SNX9: variants seen among roughly 807,000 people sequenced by gnomAD.
SNX9 encodes the protein sorting nexin 9, also known as sorting nexin-9.
A neutral mutation model predicts 89.4 loss-of-function variants in SNX9; 44 were observed. The observed-to-expected ratio is 0.49, with a 90% confidence interval of 0.39 to 0.63. The LOEUF is 0.63. Among genes scored for constraint, SNX9 ranks in the 30% least tolerant of loss-of-function variants. The probability of loss-of-function intolerance (pLI) is 0.00; values close to 1 mark genes in which losing one functional copy is unlikely to be tolerated. For missense variants in SNX9, 578 were observed against 736.1 expected (o/e 0.79, Z 2.49); for synonymous variants, 236 against 247.8 (o/e 0.95, Z 0.45).
At chr6:157,894,241 C>T (rs1442480898) in intron 4 of SNX9, among the ~76,000 whole-genome samples, 3 of 146,138 alleles carry the variant, frequency 2.1e-5, no homozygotes, top group Admixed American at 6.8e-5. Flanking sequence ...TCCCAAGTAG[C>T]TGGGATTACA....
intron 1 of SNX9, among the ~76,000 whole-genome samples, chr6:157,824,526 G>C (rs186485760): frequency 3.9e-5 from 6 of 152,206 alleles, no homozygotes; most frequent in Admixed American, 3.9e-4. Context: ...TTTATTTTTC[G>C]ATAGGTGTTT....
chr6:157,834,957 G>T (rs7341278), intron 1 of SNX9, among the ~76,000 whole-genome samples: 4,661 of 152,218 alleles, frequency 0.031, 260 homozygotes, highest in African/African-American at 0.11. Flanking sequence ...GTTACAATAG[G>T]TTGAGCTGTC....
chr6:157,860,736 C>CAG (rs1782104849), intron 1 of SNX9, among the ~76,000 whole-genome samples: 1 of 152,142 alleles, frequency 6.6e-6, no homozygotes, highest in Non-Finnish European at 1.5e-5. Context: ...AAGTACTTTC[C>CAG]AGAGCTGTTC....
chr6:157,874,676 C>A, intron 3 of SNX9: 1 of 178,322 alleles, frequency 5.6e-6, no homozygotes, highest in Middle Eastern at 2.4e-3. Flanking sequence ...ACCACATATT[C>A]TGAGCCATAA....
intron 4 of SNX9, chr6:157,892,560 A>G (rs1426786061): frequency 1.3e-5 from 2 of 152,240 alleles, no homozygotes; most frequent in East Asian, 1.9e-4. Flanking sequence ...GATCACATAC[A>G]TAACCAACTA....
rs1177648226 is a variant in SNX9, at chr6:157,844,587, GT to G, written c.12+21153del. On this transcript the variant is annotated intron_variant, in intron 1 of 17. Coordinates refer to ENST00000392185, the MANE Select transcript of SNX9 (RefSeq NM_016224.5). ...ATTTTTAATCTTGTGGCTAATCCTT[GT>G]TTTTTTTTTTTGTTTTTTTTTTTGA... 4.8e-4 allele frequency among the ~76,000 whole-genome samples: 63 copies of G among 130,244 alleles called. 1 individual carries two copies. Among genetic ancestry groups the G allele is most frequent in the South Asian group, 7.5e-4 (3 of 3,982 alleles). 85.4% of individuals were successfully genotyped at this position (130,244 alleles called of 152,430 possible).
chr6:157,866,265 C>T (rs1782258824), intron 1 of SNX9, among the ~76,000 whole-genome samples: 1 of 152,114 alleles, frequency 6.6e-6, no homozygotes, highest in Non-Finnish European at 1.5e-5. Flanking sequence ...ATAGCTTTGT[C>T]CTAGTCTGTC....
At chr6:157,828,181 C>T (rs1164398370) in intron 1 of SNX9, among the ~76,000 whole-genome samples, 2 of 150,558 alleles carry the variant, frequency 1.3e-5, no homozygotes, top group African/African-American at 5.0e-5. Context: ...CTTTGTATAA[C>T]AGTAGTATTT....
chr6:157,915,472 A>C (rs1016830230), intron 9 of SNX9, among the ~76,000 whole-genome samples: 1 of 151,490 alleles, frequency 6.6e-6, no homozygotes, highest in Non-Finnish European at 1.5e-5. Context: ...GATTCTGCAT[A>C]TATTTTGTTA....
chr6:157,901,763 ATACTATACCCT>A (rs1391744467), intron 5 of SNX9, 124 bp from the exon 6 acceptor site: 1 of 961,470 alleles, frequency 1.0e-6, no homozygotes, highest in African/African-American at 1.7e-5. Flanking sequence ...TTATACTCCT[ATACTATACCCT>A]TTTCTCCATC....
At chr6:157,900,355 T>G (rs1783069790) in intron 5 of SNX9, among the ~76,000 whole-genome samples, 1 of 152,218 alleles carries the variant, frequency 6.6e-6, no homozygotes, top group Admixed American at 6.5e-5. Context: ...TTATATGTTT[T>G]GAATATTAAC....
At chr6:157,860,016 A>G (rs896435007) in intron 1 of SNX9, among the ~76,000 whole-genome samples, 1 of 152,208 alleles carries the variant, frequency 6.6e-6, no homozygotes, top group Non-Finnish European at 1.5e-5. Context: ...GGCCATATCC[A>G]TTTGTTTATA....
At chr6:157,831,131 G>A (rs564395670) in intron 1 of SNX9, among the ~76,000 whole-genome samples, 10 of 152,172 alleles carry the variant, frequency 6.6e-5, no homozygotes, top group East Asian at 5.8e-4. Context: ...ATAGTTTTCC[G>A]TCCTAATCTC....
At chr6:157,910,335 T>G (rs1160796279) in intron 9 of SNX9, among the ~76,000 whole-genome samples, 1 of 152,162 alleles carries the variant, frequency 6.6e-6, no homozygotes, top group East Asian at 1.9e-4. Context: ...TTAAAATATG[T>G]GAAAAATGAC....
Position 157,936,034 on chromosome 6 carries a change from A to G in SNX9, c.1437A>G (p.Ala479=), listed in dbSNP as rs1783917211. The G allele has an allele frequency of 1.2e-6, 2 of 1,611,184 alleles. No homozygotes were observed. Among genetic ancestry groups the G allele is most frequent in the South Asian group, 2.2e-5 (2 of 90,496 alleles). The change falls in exon 14 of 18, where the codon GCA becomes GCG. Residue 479 remains alanine (A), a synonymous_variant. Transcript: ENST00000392185. The part of the protein sequence containing the change: ...KTYEEIASLV[A]EQPKKDLHFL... The stretch of plus-strand genomic sequence containing the variant: ...ATGAAGAAATTGCCAGTCTCGTGGC[A>G]GAACAGGTACTAACATAATCACACA...
chr6:157,876,386 C>T (rs1782522529), intron 4 of SNX9, among the ~76,000 whole-genome samples: 1 of 152,074 alleles, frequency 6.6e-6, no homozygotes, highest in Admixed American at 6.6e-5. Context: ...GGGAGGCGGC[C>T]ACTGCAGTAA....
chr6:157,921,667 A>G lies in SNX9; in HGVS notation c.1080+6A>G, dbSNP rs1175348186. On this transcript the variant is annotated splice_donor_region_variant and intron_variant, in intron 10 of 17. Transcript: ENST00000392185. ...TAAATTTCCGAGATGAGAAGGTAGG[A>G]CATTGTGTTAATATGGCATCAGAGA... The G allele has an allele frequency of 1.2e-6, 2 of 1,612,898 alleles. No homozygotes were observed. The highest frequency in any genetic ancestry group is 2.2e-5 in the East Asian group (1 of 44,852).
At chr6:157,881,351 C>T (rs1782617762) in intron 4 of SNX9, among the ~76,000 whole-genome samples, 1 of 152,122 alleles carries the variant, frequency 6.6e-6, no homozygotes, top group Non-Finnish European at 1.5e-5. Context: ...GCCATACCCT[C>T]GTCTTTCTCC....
intron 9 of SNX9, among the ~76,000 whole-genome samples, chr6:157,912,138 A>T (rs1783360259): frequency 6.6e-6 from 1 of 152,198 alleles, no homozygotes; most frequent in Admixed American, 6.5e-5. Context: ...TTTCAATCAC[A>T]GTTTTCTCTT....
Sources: allele counts gnomAD v4.1 joint callset (sites outside exome capture counted in the v4.1 genomes callset), GRCh38; gene constraint gnomAD v4.1.1; transcripts MANE v1.5; gene names NCBI Gene and HGNC (gene_info 2026-07-23, HGNC 2026-07-21).